PIKFYVE: variants seen among roughly 807,000 people sequenced by gnomAD.
The protein encoded by PIKFYVE is phosphoinositide kinase, FYVE-type zinc finger containing, also known as 1-phosphatidylinositol 3-phosphate 5-kinase.
A neutral mutation model predicts 257.9 loss-of-function variants in PIKFYVE; 122 were observed. That is an observed-to-expected ratio of 0.47 (90% CI 0.41 to 0.55). The LOEUF (loss-of-function observed/expected upper bound fraction) is 0.55, where lower values mean the gene tolerates loss of function less well. Among genes scored for constraint, PIKFYVE ranks in the 20% least tolerant of loss-of-function variants. The probability of loss-of-function intolerance (pLI) is 0.00; values close to 1 mark genes in which losing one functional copy is unlikely to be tolerated. For missense variants in PIKFYVE, 2,160 were observed against 2,536.6 expected, an observed-to-expected ratio of 0.85 and a Z score of 3.19; for synonymous variants, 892 against 868.9, an observed-to-expected ratio of 1.03 and a Z score of -0.47.
In PIKFYVE at chr2:208,306,776, CT is replaced by C. The variant is rs778916470; in HGVS notation, c.1636+1778del. On this transcript the variant is annotated intron_variant, in intron 12 of 41. Coordinates refer to ENST00000264380, the MANE Select transcript of PIKFYVE (RefSeq NM_015040.4). Reference sequence around the variant, plus strand: ...CTTTTGAACCTCCCTGATTTCAATCCTTTTTTTTTTTTTTTCTAAGAGACAG... The same window carrying C: ...CTTTTGAACCTCCCTGATTTCAATCCTTTTTTTTTTTTTTCTAAGAGACAG... 1.4e-4 allele frequency among the ~76,000 whole-genome samples: 7 copies of C among 49,952 alleles called. No individual in the cohort carries two copies. The East Asian group carries it at 4.0e-3, about 29-fold the overall frequency. 32.8% of individuals were successfully genotyped at this position (49,952 alleles called of 152,430 possible).
chr2:208,336,902 A>C lies in PIKFYVE; in HGVS notation c.4585A>C (p.Arg1529=), dbSNP rs199542979. 7.6e-5 allele frequency: 123 copies of C among 1,612,802 alleles called. 1 individual carries two copies. The highest frequency in any genetic ancestry group is 1.1e-4 in the South Asian group (10 of 91,058). ...ACCTTCAGTTCCTCCAAGTCCTGGA[A>C]GACTGAGACAAGGGGAAGAAAGCAA... ...KRPSVPPSPG[R]LRQGEESKIS... The change falls in exon 28 of 42, where the codon AGA becomes CGA. Residue 1529 remains arginine (R), a synonymous_variant. Transcript: ENST00000264380.
chr2:208,312,503 A>T (rs1695041492), intron 13 of PIKFYVE, among the ~76,000 whole-genome samples: 1 of 152,192 alleles, frequency 6.6e-6, no homozygotes, highest in African/African-American at 2.4e-5. Context: ...TGCGAGAAGG[A>T]GGTCTCTGAT....
intron 14 of PIKFYVE, among the ~76,000 whole-genome samples, chr2:208,314,709 C>T (rs1193786371): frequency 1.3e-5 from 2 of 152,092 alleles, no homozygotes; most frequent in Non-Finnish European, 2.9e-5. Flanking sequence ...CCAGCCTGGC[C>T]AACATGGTAA....
At chr2:208,277,828 CAA>C (rs1690305465) in intron 5 of PIKFYVE, 120 bp downstream of exon 5, 1 of 1,033,318 alleles carries the variant, frequency 9.7e-7, no homozygotes, top group Admixed American at 1.9e-5. Context: ...CATGGGGACA[CAA>C]AGGTGAGGGA....
chr2:208,351,436 C>T lies in PIKFYVE; in HGVS notation c.5696C>T (p.Thr1899Ile). The T allele has an allele frequency of 6.2e-7, 1 of 1,610,794 alleles. No homozygotes were observed. Among genetic ancestry groups the T allele is most frequent in the South Asian group, 1.1e-5 (1 of 91,010 alleles). The change falls in exon 38 of 42, where the codon ACA (threonine) becomes ATA (isoleucine). Residue 1899 changes from threonine to isoleucine, a missense_variant. Thr to Ile is a moderately conservative substitution (Grantham distance 89). This residue lies in a region of PIKFYVE where 699 missense variants were observed against 855.8 expected (regional missense o/e 0.82). Coordinates refer to ENST00000264380, the MANE Select transcript of PIKFYVE (RefSeq NM_015040.4). ...GCACCACATTACTTCAATTATATTA[C>T]AAATGCTGTTCAACAAAAGGTAGAA... ...DFAPHYFNYI[T>I]NAVQQKRPTA...
At chr2:208,324,729 A>G (rs1696712900) in intron 18 of PIKFYVE, among the ~76,000 whole-genome samples, 182 bp from the exon 19 acceptor site, 1 of 152,232 alleles carries the variant, frequency 6.6e-6, no homozygotes, top group African/African-American at 2.4e-5. Context: ...TTCAGTGGGC[A>G]TATATTGATT....
At chr2:208,312,978 C>A (rs1262272496) in intron 13 of PIKFYVE, among the ~76,000 whole-genome samples, 1 of 152,182 alleles carries the variant, frequency 6.6e-6, no homozygotes, top group Non-Finnish European at 1.5e-5. Context: ...CTTGGCAGTG[C>A]TTCTAAATTC....
chr2:208,355,338 G>GTTTT lies in PIKFYVE; in HGVS notation c.*33_*34insTTTT. Reference sequence around the variant, plus strand: ...CACATATTTTGAAATGGACTGTGAAGGAAAAGGGGACAGGAACAAAGGACC... The same window carrying GTTTT: ...CACATATTTTGAAATGGACTGTGAAGTTTTGAAAAGGGGACAGGAACAAAGGACC... On this transcript the variant is annotated 3_prime_UTR_variant, in exon 42 of 42. Transcript: ENST00000264380. The GTTTT allele has an allele frequency of 6.5e-7, 1 of 1,542,094 alleles. No individual in the cohort carries two copies. Among genetic ancestry groups the GTTTT allele is most frequent in the Non-Finnish European group, 9.0e-7 (1 of 1,115,144 alleles).
Position 208,350,872 on chromosome 2 carries a change from A to G in PIKFYVE, c.5536A>G (p.Ile1846Val). The G allele has an allele frequency of 6.2e-7, 1 of 1,614,164 alleles. No individual in the cohort carries two copies. The highest frequency in any genetic ancestry group is 1.7e-4 in the Middle Eastern group (1 of 6,040). Residue 1846 changes from isoleucine to valine, a missense_variant, in exon 37 of 42, where the codon ATT becomes GTT. By Grantham distance (29) the Ile-to-Val change is conservative (BLOSUM62 3). Coordinates refer to ENST00000264380, the MANE Select transcript of PIKFYVE (RefSeq NM_015040.4). ...TCTGGACAGCAGTGAAGAAGATTTC[A>G]TTCGTTCCCTCTCCCACTCATCACC... is the stretch of plus-strand genomic sequence containing the variant. The part of the protein sequence containing the change: ...VILDSSEEDF[I>V]RSLSHSSPWQ...
chr2:208,328,329 G>C, intron 21 of PIKFYVE, 49 bp downstream of exon 21: 3 of 1,609,930 alleles, frequency 1.9e-6, no homozygotes, highest in Non-Finnish European at 2.5e-6. Context: ...CAGAATTCCA[G>C]CAATTAAAAA....
At position 208,315,248 on chromosome 2, in the gene PIKFYVE, T is replaced by C; in HGVS notation, c.1882T>C (p.Ser628Pro). 1 of 1,614,142 alleles carries C rather than the reference T, an allele frequency of 6.2e-7. No individual in the cohort carries two copies. Among genetic ancestry groups the C allele is most frequent in the Non-Finnish European group, 8.5e-7 (1 of 1,179,982 alleles). The change falls in exon 15 of 42, where the codon TCA becomes CCA. Residue 628 changes from serine (S) to proline (P), a missense_variant. Physicochemically the swap from Ser to Pro is moderately conservative, Grantham distance 74 (BLOSUM62 -1). This residue lies in a region of PIKFYVE where 346 missense variants were observed against 365.6 expected (regional missense o/e 0.95). Transcript: ENST00000264380. ...ACTCCAGCAGTTGCTCCATAGTGAC[T>C]CACTGTCATCATCTTGGAGGGACAT... Reference protein sequence around the residue: ...ALLQQLLHSDSLSSSWRDIIV... With the variant: ...ALLQQLLHSDPLSSSWRDIIV...
chr2:208,316,866 A>T (rs1695586800), intron 15 of PIKFYVE, among the ~76,000 whole-genome samples: 1 of 152,242 alleles, frequency 6.6e-6, no homozygotes, highest in Admixed American at 6.5e-5. Context: ...AAACCTGAGA[A>T]AAACAAGCAA....
At chr2:208,341,180 G>A (rs998167148) in intron 31 of PIKFYVE, among the ~76,000 whole-genome samples, 2 of 151,728 alleles carry the variant, frequency 1.3e-5, no homozygotes, top group African/African-American at 2.4e-5. Flanking sequence ...GCTAATTTTC[G>A]TATTTTTAGT....
chr2:208,340,063 G>A lies in PIKFYVE; in HGVS notation c.4863G>A (p.Lys1621=), dbSNP rs376623357. 3.5e-5 allele frequency: 57 copies of A among 1,613,878 alleles called. No individual in the cohort carries two copies. The highest frequency in any genetic ancestry group is 4.6e-5 in the Non-Finnish European group (54 of 1,179,902). The part of the protein sequence containing the change: ...LGSTDSQVKE[K]STMKAIFANL... ...CCACAGACAGCCAAGTGAAGGAAAA[G>A]TCAACCATGAAAGCCATCTTTGCAA... The change falls in exon 31 of 42, where the codon AAG becomes AAA. Residue 1621 remains lysine, a synonymous_variant. Transcript: ENST00000264380.
At chr2:208,331,641 G>A (rs1380347032) in intron 23 of PIKFYVE, among the ~76,000 whole-genome samples, 1 of 152,198 alleles carries the variant, frequency 6.6e-6, no homozygotes, top group African/African-American at 2.4e-5. Flanking sequence ...CTCCCAAAGT[G>A]TTGGGATTAC....
chr2:208,279,595 C>T (rs1006217127), intron 5 of PIKFYVE, among the ~76,000 whole-genome samples: 21 of 152,090 alleles, frequency 1.4e-4, no homozygotes, highest in African/African-American at 4.8e-4. Context: ...AACATAGGGG[C>T]CAGTTTTATT....
intron 22 of PIKFYVE, among the ~76,000 whole-genome samples, 167 bp from the exon 23 acceptor site, chr2:208,330,356 A>G (rs1263370544): frequency 6.6e-6 from 1 of 152,244 alleles, no homozygotes; most frequent in Non-Finnish European, 1.5e-5. Context: ...AAGGTGCTTA[A>G]CAAATGGAAA....
chr2:208,271,782 G>A lies in PIKFYVE; in HGVS notation c.172+91G>A, dbSNP rs79999949. Reference sequence around the variant, plus strand: ...AGTGGCTCACCATGATCATATAGTGGTTAGTACTCTGTTCAGCTTTAATGC... The same window carrying A: ...AGTGGCTCACCATGATCATATAGTGATTAGTACTCTGTTCAGCTTTAATGC... On this transcript the variant is annotated intron_variant, in intron 2 of 41. Transcript: ENST00000264380. 2,528 of 1,261,198 alleles carry A rather than the reference G, an allele frequency of 2.0e-3. 44 individuals are homozygous for A. The African/African-American group carries it at 0.034, about 17-fold the overall frequency. 78.1% of individuals were successfully genotyped at this position (1,261,198 alleles called of 1,614,324 possible).
chr2:208,300,233 A>C (rs1041721509), intron 8 of PIKFYVE, among the ~76,000 whole-genome samples: 1 of 152,234 alleles, frequency 6.6e-6, no homozygotes, highest in Non-Finnish European at 1.5e-5. Context: ...CTTGAACTGG[A>C]CCTTGAGAGA....
Sources: gnomAD v4.1 joint callset for allele counts (sites outside exome capture counted in the v4.1 genomes callset) on GRCh38, gnomAD v4.1.1 for gene constraint, gnomAD v4.1.1 regional missense constraint, MANE v1.5 for transcripts, NCBI Gene and HGNC (gene_info 2026-07-23, HGNC 2026-07-21) for gene names.